The following XIRP1 variants were observed in gnomAD, a reference collection of about 807,000 sequenced individuals.
XIRP1 encodes the protein xin actin-binding repeat-containing protein 1.
For missense variants in XIRP1, 2,378 were observed against 2,345.4 expected (o/e 1.01, Z -0.29); for synonymous variants, 984 against 947.0 (o/e 1.04, Z -0.72).
chr3:39,184,342 C>T lies in XIRP1; in HGVS notation c.5104G>A (p.Ala1702Thr), dbSNP rs2039921639. The T allele has an allele frequency of 6.2e-7, 1 of 1,614,144 alleles. No individual in the cohort carries two copies. The highest frequency in any genetic ancestry group is 8.5e-7 in the Non-Finnish European group (1 of 1,180,022). Residue 1702 changes from alanine to threonine, a missense_variant, in exon 2 of 2, where the codon GCT (alanine) becomes ACT (threonine). Ala to Thr is a moderately conservative substitution (Grantham distance 58). Transcript: ENST00000340369. Reference sequence around the variant, plus strand: ...AGCAGGGCCTGGCCTATGTCCTGAGCCAGTTGTGTGCTTTTCACTGAGACA... The same window carrying T: ...AGCAGGGCCTGGCCTATGTCCTGAGTCAGTTGTGTGCTTTTCACTGAGACA... ...PDVSVKSTQL[A>T]QDIGQALLHQ...
intron 1 of XIRP1, among the ~76,000 whole-genome samples, chr3:39,190,964 C>G (rs2040078767): frequency 6.6e-6 from 1 of 152,216 alleles, no homozygotes; most frequent in African/African-American, 2.4e-5. Flanking sequence ...GCCTCCTGGG[C>G]TGGTGTCAGG....
chr3:39,184,357 T>TTTTTAAGGG lies in XIRP1; in HGVS notation c.5088_5089insCCCTTAAAA (p.Val1696_Lys1697insProLeuLys), dbSNP rs763531997. 6 of 1,614,160 alleles carry TTTTTAAGGG rather than the reference T, an allele frequency of 3.7e-6. No homozygotes were observed. The highest frequency in any genetic ancestry group is 5.1e-6 in the Non-Finnish European group (6 of 1,180,026). On this transcript the variant is annotated inframe_insertion, in exon 2 of 2. Transcript: ENST00000340369. ...ATGTCCTGAGCCAGTTGTGTGCTTT[T>TTTTTAAGGG]CACTGAGACATCAGGGTTGCCCTTA...
Position 39,185,088 on chromosome 3 carries a change from G to A in XIRP1, c.4358C>T (p.Ser1453Phe), listed in dbSNP as rs1256726281. ...AGGGCTCTCAGGGGCCCCTTGGTGG[G>A]AACCTTCCATGGGCTGCTCTCCTGA... Reference protein sequence around the residue: ...GPSGEQPMEGSHQGAPESPDS... With the variant: ...GPSGEQPMEGFHQGAPESPDS... The change falls in exon 2 of 2, where the codon TCC (serine) becomes TTC (phenylalanine). Residue 1453 changes from serine (S) to phenylalanine (F), a missense_variant. By Grantham distance (155) the Ser-to-Phe change is radical. Coordinates refer to ENST00000340369, the MANE Select transcript of XIRP1 (RefSeq NM_194293.4). 6.5e-7 allele frequency: 1 copy of A among 1,527,424 alleles called. No homozygotes were observed. Among genetic ancestry groups the A allele is most frequent in the South Asian group, 1.3e-5 (1 of 75,812 alleles). The allele number at this position is 1,527,424 out of a possible 1,614,324, so 94.6% of individuals were successfully genotyped here.
rs766016755 is a variant in XIRP1, at chr3:39,187,216, T to C, written c.2230A>G (p.Ser744Gly). 3 of 1,590,670 alleles carry C rather than the reference T, an allele frequency of 1.9e-6. No homozygotes were observed. The highest frequency in any genetic ancestry group is 2.6e-6 in the Non-Finnish European group (3 of 1,164,790). ...NCPMGSLAAE[S>G]IQGGNLLEEQ... Reference sequence around the variant, plus strand: ...TCCAGGAGGTTGCCCCCTTGGATGCTCTCAGCTGCCAGGGAGCCCATGGGA... The same window carrying C: ...TCCAGGAGGTTGCCCCCTTGGATGCCCTCAGCTGCCAGGGAGCCCATGGGA... The change falls in exon 2 of 2, where the codon AGC (serine) becomes GGC (glycine). Residue 744 changes from serine (S) to glycine (G), a missense_variant. Ser to Gly is a moderately conservative substitution (Grantham distance 56). Transcript: ENST00000340369.
Position 39,189,411 on chromosome 3 carries a change from G to A in XIRP1, c.35C>T (p.Pro12Leu). The change falls in exon 2 of 2, where the codon CCA (proline) becomes CTA (leucine). Residue 12 changes from proline to leucine, a missense_variant. By Grantham distance (98) the Pro-to-Leu change is moderately conservative (BLOSUM62 -3). Transcript: ENST00000340369. Reference sequence around the variant, plus strand: ...CTCTGCAGTTGCCATCCTCATGGTTGGTGTGGGGGCCACCTGTGTCTGGGT... The same window carrying A: ...CTCTGCAGTTGCCATCCTCATGGTTAGTGTGGGGGCCACCTGTGTCTGGGT... Reference protein sequence around the residue: ...ADTQTQVAPTPTMRMATAEDL... With the variant: ...ADTQTQVAPTLTMRMATAEDL... 6.2e-7 allele frequency: 1 copy of A among 1,605,558 alleles called. No homozygotes were observed. Among genetic ancestry groups the A allele is most frequent in the Non-Finnish European group, 8.5e-7 (1 of 1,175,872 alleles).
Position 39,187,664 on chromosome 3 carries a change from G to T in XIRP1, c.1782C>A (p.Ile594=). Residue 594 remains isoleucine, a synonymous_variant, in exon 2 of 2, where the codon ATC becomes ATA. Transcript: ENST00000340369. ...EAPPKGDVQT[I]RWLFETCPMS... is the part of the protein sequence containing the mutation. ...TTGGGCAAGTCTCGAACAACCACCGGATGGTCTGCACATCGCCCTTTGGGG... is the reference window on the plus strand; with the variant it reads ...TTGGGCAAGTCTCGAACAACCACCGTATGGTCTGCACATCGCCCTTTGGGG... 6.2e-7 allele frequency: 1 copy of T among 1,614,072 alleles called. No homozygotes were observed. Among genetic ancestry groups the T allele is most frequent in the Non-Finnish European group, 8.5e-7 (1 of 1,180,044 alleles).
In XIRP1 at chr3:39,184,832, T is replaced by C. The variant is rs1346002786; in HGVS notation, c.4614A>G (p.Gln1538=). The C allele has an allele frequency of 4.3e-6, 7 of 1,613,608 alleles. No individual in the cohort carries two copies. The highest frequency in any genetic ancestry group is 4.0e-5 in the African/African-American group (3 of 74,938). The change falls in exon 2 of 2, where the codon CAA becomes CAG. Residue 1538 remains glutamine, a synonymous_variant. Coordinates refer to ENST00000340369, the MANE Select transcript of XIRP1 (RefSeq NM_194293.4). Reference sequence around the variant, plus strand: ...GCCTTGCCAAGGTCTGTTCCTTCAGTTGAGCAACTTCCGTGCTGACCCGTG... The same window carrying C: ...GCCTTGCCAAGGTCTGTTCCTTCAGCTGAGCAACTTCCGTGCTGACCCGTG... The part of the protein sequence containing the change: ...ELTRVSTEVA[Q]LKEQTLARLL...
chr3:39,184,036 C>T lies in XIRP1; in HGVS notation c.5410G>A (p.Gly1804Arg), dbSNP rs781652700. 71 of 1,612,428 alleles carry T rather than the reference C, an allele frequency of 4.4e-5. 1 individual carries two copies. Among genetic ancestry groups the T allele is most frequent in the African/African-American group, 1.2e-4 (9 of 74,890 alleles). Residue 1804 changes from glycine to arginine, a missense_variant, in exon 2 of 2, where the codon GGG (glycine) becomes AGG (arginine). Transcript: ENST00000340369. ...EPPRNPGSHLGLHASPLLRQF... is the reference protein window; with the variant it reads ...EPPRNPGSHLRLHASPLLRQF... ...CTCAGCAAGGGGGAGGCGTGGAGCC[C>T]GAGGTGGGAGCCTGGGTTCCTGGGT...
In XIRP1 at chr3:39,189,340, G is replaced by A; in HGVS notation, c.106C>T (p.Pro36Ser). 1 of 1,612,918 alleles carries A rather than the reference G, an allele frequency of 6.2e-7. No homozygotes were observed. ...PPPALEDLPL[P>S]PPKESFSKFH... ...TTGGAGAAGGATTCCTTGGGTGGCG[G>A]CAGTGGCAGGTCCTCCAGGGCTGGG... The change falls in exon 2 of 2, where the codon CCG (proline) becomes TCG (serine). Residue 36 changes from proline to serine, a missense_variant. Physicochemically the swap from Pro to Ser is moderately conservative, Grantham distance 74. Coordinates refer to ENST00000340369, the MANE Select transcript of XIRP1 (RefSeq NM_194293.4).
chr3:39,190,818 G>A (rs2040076432), intron 1 of XIRP1, among the ~76,000 whole-genome samples: 1 of 152,148 alleles, frequency 6.6e-6, no homozygotes, highest in South Asian at 2.1e-4. Context: ...CACCACACAG[G>A]GTGCTAAATA....
At position 39,184,947 on chromosome 3, in the gene XIRP1, G is replaced by A. The variant is rs375664327; in HGVS notation, c.4499C>T (p.Ala1500Val). Residue 1500 changes from alanine (A) to valine (V), a missense_variant, in exon 2 of 2, where the codon GCC becomes GTC. Coordinates refer to ENST00000340369, the MANE Select transcript of XIRP1 (RefSeq NM_194293.4). ...DVQALRRLFE[A>V]VPQLGGAAPQ... Reference sequence around the variant, plus strand: ...AGCAGCCCCTCCCAGCTGGGGCACGGCCTCAAAGAGCCTCCGCAGGGCCTG... The same window carrying A: ...AGCAGCCCCTCCCAGCTGGGGCACGACCTCAAAGAGCCTCCGCAGGGCCTG... 8 of 1,554,006 alleles carry A rather than the reference G, an allele frequency of 5.1e-6. No individual in the cohort carries two copies. The highest frequency in any genetic ancestry group is 2.0e-5 in the Admixed American group (1 of 50,970).
rs1017521611 is a variant in XIRP1, at chr3:39,186,547, T to G, written c.2899A>C (p.Thr967Pro). 6.2e-7 allele frequency: 1 copy of G among 1,611,624 alleles called. No individual in the cohort carries two copies. Among genetic ancestry groups the G allele is most frequent in the Non-Finnish European group, 8.5e-7 (1 of 1,178,840 alleles). The change falls in exon 2 of 2, where the codon ACT (threonine) becomes CCT (proline). Residue 967 changes from threonine to proline, a missense_variant. Transcript: ENST00000340369. ...GGGGGAACATGGATGATGCTCTCAG[T>G]TGGGTGCAGGCTCTGGGCCCCCTCG... is the stretch of plus-strand genomic sequence containing the variant. ...ASEGAQSLHP[T>P]ESIIHVPPLD...
rs1042224449 is a variant in XIRP1, at chr3:39,184,130, A to C, written c.5316T>G (p.Tyr1772Ter). 3 of 1,611,014 alleles carry C rather than the reference A, an allele frequency of 1.9e-6. No homozygotes were observed. The highest frequency in any genetic ancestry group is 1.3e-5 in the African/African-American group (1 of 74,862). Residue 1772 changes from tyrosine to a stop codon, truncating the protein, a stop_gained, in exon 2 of 2, where the codon TAT becomes TAG. Coordinates refer to ENST00000340369, the MANE Select transcript of XIRP1 (RefSeq NM_194293.4). LOFTEE classifies it low-confidence loss of function (END_TRUNC). ...YGAMRTVTEQ[Y>*]EEVDQFGNTV... ...TGTTCCCAAACTGGTCCACCTCCTC[A>C]TACTGTTCAGTCACGGTTCTCATGG... is the stretch of plus-strand genomic sequence containing the variant.
rs751183627 is a variant in XIRP1 at position 39,184,435 on chromosome 3, T to C, written c.5011A>G (p.Thr1671Ala). 2 of 1,614,082 alleles carry C rather than the reference T, an allele frequency of 1.2e-6. No individual in the cohort carries two copies. The highest frequency in any genetic ancestry group is 1.7e-5 in the Admixed American group (1 of 60,012). Residue 1671 changes from threonine (T) to alanine (A), a missense_variant, in exon 2 of 2, where the codon ACA becomes GCA. Thr to Ala is a moderately conservative substitution (Grantham distance 58). Coordinates refer to ENST00000340369, the MANE Select transcript of XIRP1 (RefSeq NM_194293.4). The part of the protein sequence containing the change: ...PSSRDSPSSP[T>A]FISIQSATRK... ...GTGGCCGACTGGATGGAGATAAATG[T>C]TGGGGAGGAGGGAGAATCTCGGCTG... is the stretch of plus-strand genomic sequence containing the variant.
chr3:39,184,809 C>T lies in XIRP1; in HGVS notation c.4637G>A (p.Arg1546Lys). The T allele has an allele frequency of 6.2e-7, 1 of 1,614,188 alleles. No individual in the cohort carries two copies. Among genetic ancestry groups the T allele is most frequent in the Non-Finnish European group, 8.5e-7 (1 of 1,179,994 alleles). Residue 1546 changes from arginine to lysine, a missense_variant, in exon 2 of 2, where the codon AGG becomes AAG. By Grantham distance (26) the Arg-to-Lys change is conservative (BLOSUM62 2). Transcript: ENST00000340369. ...CACAGCCTCTTCAATGTCCAGCAGC[C>T]TTGCCAAGGTCTGTTCCTTCAGTTG... ...VAQLKEQTLA[R>K]LLDIEEAVHK... is the part of the protein sequence containing the mutation.
At position 39,183,838 on chromosome 3, in the gene XIRP1, G is replaced by A; in HGVS notation, c.*76C>T. 2.0e-6 allele frequency: 3 copies of A among 1,519,166 alleles called. No individual in the cohort carries two copies. Among genetic ancestry groups the A allele is most frequent in the Non-Finnish European group, 1.8e-6 (2 of 1,136,176 alleles). 94.1% of individuals were successfully genotyped at this position (1,519,166 alleles called of 1,614,324 possible). A position where few individuals can be genotyped will look rare whatever the true frequency, so the allele number is the denominator to read the frequency against. On this transcript the variant is annotated 3_prime_UTR_variant, in exon 2 of 2. Transcript: ENST00000340369. ...TCTTGGTCCTTGCTCCAGTGTACAGGAGGCAGGTACCCACTTCAGTCCTGG... is the reference window on the plus strand; with the variant it reads ...TCTTGGTCCTTGCTCCAGTGTACAGAAGGCAGGTACCCACTTCAGTCCTGG...
chr3:39,190,350 T>C (rs983859706), intron 1 of XIRP1, among the ~76,000 whole-genome samples: 30 of 152,220 alleles, frequency 2.0e-4, no homozygotes, highest in Non-Finnish European at 2.2e-4. Flanking sequence ...CTAGACTCCA[T>C]TTAGGGCATG....
Position 39,185,760 on chromosome 3 carries a change from G to T in XIRP1, c.3686C>A (p.Ala1229Asp), listed in dbSNP as rs553070142. The change falls in exon 2 of 2, where the codon GCC becomes GAC. Residue 1229 changes from alanine to aspartate, a missense_variant. Ala to Asp is a moderately radical substitution (Grantham distance 126). Coordinates refer to ENST00000340369, the MANE Select transcript of XIRP1 (RefSeq NM_194293.4). ...LQAAETTLKT[A>D]PLGRHILASG... ...GGCCAGAATGTGGCGGCCTAGAGGG[G>T]CAGTCTTCAGGGTGGTCTCTGCAGC... is the stretch of plus-strand genomic sequence containing the variant. The T allele has an allele frequency of 8.7e-6, 14 of 1,608,038 alleles. No individual in the cohort carries two copies. In the South Asian group the frequency reaches 1.4e-4, roughly 17 times the overall value.
rs940870078 is a variant in XIRP1, at chr3:39,188,478, A to C, written c.968T>G (p.Leu323Trp). Residue 323 changes from leucine (L) to tryptophan (W), a missense_variant, in exon 2 of 2, where the codon TTG becomes TGG. By Grantham distance (61) the Leu-to-Trp change is moderately conservative. Coordinates refer to ENST00000340369, the MANE Select transcript of XIRP1 (RefSeq NM_194293.4). Reference sequence around the variant, plus strand: ...TGGCTGGAAGTCCTTCTCATCTACCAAGATCTCCCGGATGGCATCCAGGGG... The same window carrying C: ...TGGCTGGAAGTCCTTCTCATCTACCCAGATCTCCCGGATGGCATCCAGGGG... ...TQPLDAIREI[L>W]VDEKDFQPSP... 37 of 1,602,442 alleles carry C rather than the reference A, an allele frequency of 2.3e-5. No homozygotes were observed. Among genetic ancestry groups the C allele is most frequent in the Non-Finnish European group, 3.1e-5 (36 of 1,171,944 alleles).
Sources: gnomAD v4.1 joint callset for allele counts (sites outside exome capture counted in the v4.1 genomes callset) on GRCh38, gnomAD v4.1.1 for gene constraint, MANE v1.5 for transcripts, NCBI Gene and HGNC (gene_info 2026-07-23, HGNC 2026-07-21) for gene names.